Variants in TBC1D21 observed in about 807,000 individuals in gnomAD.
TBC1D21 encodes the protein male germ cell Rab GTPase-activating protein.
A neutral mutation model predicts 46.0 loss-of-function variants in TBC1D21; 38 were observed. That is an observed-to-expected ratio of 0.83 (90% CI 0.64 to 1.08). TBC1D21 has a LOEUF of 1.08. Ranked by LOEUF, TBC1D21 falls within the 50% of genes least tolerant of loss-of-function variation. TBC1D21 has a pLI of 0.00. For synonymous variants in TBC1D21, 151 were observed against 157.2 expected (o/e 0.96, Z 0.29); for missense variants, 415 against 417.9 (o/e 0.99, Z 0.06).
At position 73,887,723 on chromosome 15, in the gene TBC1D21, A is replaced by AAT. The variant is rs746347912; in HGVS notation, c.881_882insAT (p.Asp294GlufsTer19). ...GTGCTGCAGGAAAGCATGGGCGGGG[A>AAT]TGACATCCTCCTGGTGAGAGCACCC... On this transcript the variant is annotated frameshift_variant, in exon 9 of 11. Coordinates refer to ENST00000300504, the MANE Select transcript of TBC1D21 (RefSeq NM_153356.3). LOFTEE classifies it high-confidence loss of function. 5 of 1,613,518 alleles carry AAT rather than the reference A, an allele frequency of 3.1e-6. No homozygotes were observed. The highest frequency in any genetic ancestry group is 4.2e-6 in the Non-Finnish European group (5 of 1,179,758).
At chr15:73,893,670 C>T (rs895312040), downstream of TBC1D21, among the ~76,000 whole-genome samples, 1 of 152,216 alleles carries the variant, frequency 6.6e-6, no homozygotes. Flanking sequence ...GTGTTACCCC[C>T]CTCAGAGAGG....
At chr15:73,882,032 C>T (rs1169570552) in intron 3 of TBC1D21, among the ~76,000 whole-genome samples, 6 of 152,056 alleles carry the variant, frequency 3.9e-5, no homozygotes, top group Admixed American at 3.9e-4. Context: ...ATGGCCTATG[C>T]ATTCTTCCTC....
chr15:73,882,475 A>C (rs1037863486), intron 3 of TBC1D21, among the ~76,000 whole-genome samples: 4 of 152,054 alleles, frequency 2.6e-5, no homozygotes, highest in Non-Finnish European at 5.9e-5. Context: ...TCTGCCTATC[A>C]GTAGCCCACC....
the TBC1D21 span, among the ~76,000 whole-genome samples, chr15:73,898,880 A>AAAAATATATATATATATATATATAT: frequency 3.0e-4 from 17 of 56,766 alleles, no homozygotes; most frequent in South Asian, 6.1e-4. Context: ...AAAAAAAAAA[A>AAAAATATATATATATATATATATAT]ATATATATAT....
At chr15:73,880,113 G>A (rs1199857861) in intron 1 of TBC1D21, among the ~76,000 whole-genome samples, 1 of 152,064 alleles carries the variant, frequency 6.6e-6, no homozygotes, top group Non-Finnish European at 1.5e-5. Flanking sequence ...CCCCAGGCTG[G>A]TCTCGAACTG....
At chr15:73,882,044 G>A (rs947037523) in intron 3 of TBC1D21, among the ~76,000 whole-genome samples, 8 of 151,970 alleles carry the variant, frequency 5.3e-5, no homozygotes, top group African/African-American at 1.9e-4. Flanking sequence ...TTCTTCCTCT[G>A]AAGCAGCCCT....
downstream of TBC1D21, among the ~76,000 whole-genome samples, chr15:73,891,526 C>T (rs553977277): frequency 7.0e-4 from 107 of 152,264 alleles, no homozygotes; most frequent in African/African-American, 2.5e-3. Flanking sequence ...GGGGTGGGAG[C>T]CCCACCCTCC....
the TBC1D21 span, among the ~76,000 whole-genome samples, chr15:73,902,461 C>A: frequency 6.6e-6 from 1 of 152,186 alleles, no homozygotes; most frequent in African/African-American, 2.4e-5. Context: ...TCCAGAAATA[C>A]CTGTCCCCTC....
At chr15:73,899,568 G>T in the TBC1D21 span, among the ~76,000 whole-genome samples, 9 of 152,214 alleles carry the variant, frequency 5.9e-5, no homozygotes, top group Non-Finnish European at 1.3e-4. Flanking sequence ...GAAGGCAACA[G>T]TCTGGCCAAG....
rs781352773 is a variant in TBC1D21 at position 73,873,679 on chromosome 15, A to C, written c.-31A>C. On this transcript the variant is annotated 5_prime_UTR_variant, in exon 1 of 11. Coordinates refer to ENST00000300504, the MANE Select transcript of TBC1D21 (RefSeq NM_153356.3). Reference sequence around the variant, plus strand: ...TCACTAGGGCTCCAAGTGAGTTCTGATCAGAGGCTGTTCGGAAGACAGCAG... The same window carrying C: ...TCACTAGGGCTCCAAGTGAGTTCTGCTCAGAGGCTGTTCGGAAGACAGCAG... 2 of 1,587,938 alleles carry C rather than the reference A, an allele frequency of 1.3e-6. No homozygotes were observed. The highest frequency in any genetic ancestry group is 1.7e-6 in the Non-Finnish European group (2 of 1,164,520).
intron 3 of TBC1D21, 138 bp downstream of exon 3, chr15:73,881,885 C>A: frequency 1.3e-6 from 1 of 751,562 alleles, no homozygotes; most frequent in Non-Finnish European, 2.2e-6. Flanking sequence ...GACCCAGGCA[C>A]AGCACACAGG....
At chr15:73,898,883 ATAT>A in the TBC1D21 span, among the ~76,000 whole-genome samples, 86 of 99,528 alleles carry the variant, frequency 8.6e-4, no homozygotes, top group African/African-American at 4.1e-3. Context: ...AAAAAAAAAT[ATAT>A]ATATATATAT....
At chr15:73,887,449 T>A (rs2068267898) in intron 8 of TBC1D21, among the ~76,000 whole-genome samples, 171 bp from the exon 9 acceptor site, 1 of 151,938 alleles carries the variant, frequency 6.6e-6, no homozygotes, top group Non-Finnish European at 1.5e-5. Context: ...AGCACATGCC[T>A]GAGTGAGTGG....
the TBC1D21 span, among the ~76,000 whole-genome samples, chr15:73,895,433 C>G: frequency 6.6e-6 from 1 of 152,124 alleles, no homozygotes; most frequent in South Asian, 2.1e-4. Flanking sequence ...ACCTCCCTAC[C>G]CTCCCATCTT....
At chr15:73,906,547 G>T in the TBC1D21 span, among the ~76,000 whole-genome samples, 1 of 152,178 alleles carries the variant, frequency 6.6e-6, no homozygotes, top group African/African-American at 2.4e-5. Flanking sequence ...AGGAAGGCAG[G>T]CCTGGCAGAG....
the TBC1D21 span, among the ~76,000 whole-genome samples, chr15:73,901,420 C>T: frequency 3.9e-5 from 6 of 152,258 alleles, no homozygotes; most frequent in African/African-American, 1.4e-4. Context: ...GGCATGCCCC[C>T]AAGAGCACTC....
intron 10 of TBC1D21, 151 bp from the exon 11 acceptor site, chr15:73,888,917 AC>A: frequency 1.2e-6 from 1 of 861,450 alleles, no homozygotes; most frequent in Non-Finnish European, 1.9e-6. Context: ...AGGCTGTACT[AC>A]TTGAGAGCAG....
the TBC1D21 span, among the ~76,000 whole-genome samples, chr15:73,906,000 G>A: frequency 3.9e-5 from 6 of 152,284 alleles, 1 homozygote; most frequent in South Asian, 1.2e-3. Flanking sequence ...TGTCGGTCAA[G>A]GAAACCCAGG....
the TBC1D21 span, among the ~76,000 whole-genome samples, chr15:73,900,892 C>T: frequency 3.3e-5 from 5 of 152,158 alleles, no homozygotes; most frequent in East Asian, 1.9e-4. Context: ...CTGTAAAATG[C>T]GGCTAATAGC....
Sources: allele counts gnomAD v4.1 joint callset (sites outside exome capture counted in the v4.1 genomes callset), GRCh38; gene constraint gnomAD v4.1.1; transcripts MANE v1.5; gene names NCBI Gene and HGNC (gene_info 2026-07-23, HGNC 2026-07-21).